Variants in RASSF5 observed in about 807,000 individuals in gnomAD.
The protein encoded by RASSF5 is Ras association domain family member 5, also known as ras association domain-containing protein 5.
A neutral mutation model predicts 40.5 loss-of-function variants in RASSF5; 25 were observed. The observed-to-expected ratio is 0.62, with a 90% CI of 0.45 to 0.86. The LOEUF (loss-of-function observed/expected upper bound fraction) is 0.86, where lower values mean the gene tolerates loss of function less well. Ranked by LOEUF, RASSF5 falls within the 40% of genes least tolerant of loss-of-function variation. RASSF5 has a pLI of 0.00. For missense variants in RASSF5, 521 were observed against 572.8 expected (o/e 0.91, Z 0.92); for synonymous variants, 246 against 252.4 (o/e 0.97, Z 0.24).
chr1:206,583,932 C>T (rs1311350585), intron 3 of RASSF5, among the ~76,000 whole-genome samples: 4 of 152,124 alleles, frequency 2.6e-5, no homozygotes, highest in Non-Finnish European at 5.9e-5. Context: ...CACAAATGCA[C>T]CTAGGTTTAA....
intron 2 of RASSF5, chr1:206,542,306 A>C (rs1553399470): frequency 6.6e-6 from 1 of 152,160 alleles, no homozygotes; most frequent in Non-Finnish European, 1.5e-5. Flanking sequence ...GCAATAATGA[A>C]TGAGCTCTCG....
At chr1:206,515,324 G>T (rs1018200423) in intron 1 of RASSF5, among the ~76,000 whole-genome samples, 1 of 152,186 alleles carries the variant, frequency 6.6e-6, no homozygotes, top group Admixed American at 6.5e-5. Flanking sequence ...CAAATCATGA[G>T]ATCTTTAGAA....
At chr1:206,577,431 A>C (rs541550846) in intron 2 of RASSF5, among the ~76,000 whole-genome samples, 14 of 152,020 alleles carry the variant, frequency 9.2e-5, no homozygotes, top group Non-Finnish European at 1.5e-4. Flanking sequence ...ACACTTTTGT[A>C]CCCATTATCT....
At chr1:206,574,340 T>G (rs1285256999) in intron 2 of RASSF5, among the ~76,000 whole-genome samples, 1 of 152,210 alleles carries the variant, frequency 6.6e-6, no homozygotes, top group Non-Finnish European at 1.5e-5. Flanking sequence ...TCAGGTCACC[T>G]GCAGACTCCC....
chr1:206,514,957 C>T lies in RASSF5; in HGVS notation c.457+6898C>T, dbSNP rs1335955370. The stretch of plus-strand genomic sequence containing the variant: ...CTCTGTCAGGATTGCAATTCTGTTT[C>T]GTCGGTAGAACTGATGTAATCAGGG... On this transcript the variant is annotated intron_variant, in intron 1 of 5. Coordinates refer to ENST00000579436, the MANE Select transcript of RASSF5 (RefSeq NM_182663.4). Among the ~76,000 whole-genome samples the T allele has an allele frequency of 2.6e-5, 4 of 152,184 alleles. No individual in the cohort carries two copies. The East Asian group carries it at 5.8e-4, about 22-fold the overall frequency.
At position 206,584,796 on chromosome 1, in the gene RASSF5, CA is replaced by C. The variant is rs782013525; in HGVS notation, c.988+113del. 23 of 1,146,028 alleles carry C rather than the reference CA, an allele frequency of 2.0e-5. No homozygotes were observed. The South Asian group carries it at 3.3e-4, about 16-fold the overall frequency. The allele number at this position is 1,146,028 out of a possible 1,614,324, so 71.0% of individuals were successfully genotyped here. A position where few individuals can be genotyped will look rare whatever the true frequency, so the allele number is the denominator to read the frequency against. On this transcript the variant is annotated intron_variant, in intron 4 of 5. Coordinates refer to ENST00000579436, the MANE Select transcript of RASSF5 (RefSeq NM_182663.4). This position sits in a 1 kb window ranked among gnomAD's most constrained non-coding sequence, Gnocchi z 4.9. Reference sequence around the variant, plus strand: ...GGAGCTGTGGGCTTCTCCTGAGCACCAGGGGTCCAGCTGCCCATGTGGTGTT... The same window carrying C: ...GGAGCTGTGGGCTTCTCCTGAGCACCGGGGTCCAGCTGCCCATGTGGTGTT...
chr1:206,565,558 G>A (rs898615211), intron 2 of RASSF5, among the ~76,000 whole-genome samples: 1 of 152,204 alleles, frequency 6.6e-6, no homozygotes, highest in Non-Finnish European at 1.5e-5. Flanking sequence ...TGTACTTGAA[G>A]GCCTTAGGGC....
At chr1:206,567,070 A>C (rs937845188) in intron 2 of RASSF5, among the ~76,000 whole-genome samples, 5 of 152,190 alleles carry the variant, frequency 3.3e-5, no homozygotes, top group African/African-American at 1.2e-4. Context: ...GAAATGAAAA[A>C]TCCCACTGAG....
chr1:206,582,938 C>T (rs569704102), intron 2 of RASSF5, among the ~76,000 whole-genome samples: 9 of 152,308 alleles, frequency 5.9e-5, no homozygotes, highest in South Asian at 2.1e-4. Flanking sequence ...CGGCTCTGCT[C>T]ATTCACCAGA....
chr1:206,578,239 T>C (rs1475909400), intron 2 of RASSF5, among the ~76,000 whole-genome samples: 1 of 148,554 alleles, frequency 6.7e-6, no homozygotes, highest in Non-Finnish European at 1.5e-5. Context: ...AAAAAGTGTG[T>C]GTGTGTGTGT....
chr1:206,523,249 A>T (rs1389826162), intron 1 of RASSF5, among the ~76,000 whole-genome samples: 1 of 149,424 alleles, frequency 6.7e-6, no homozygotes, highest in Non-Finnish European at 1.5e-5. Flanking sequence ...GGTTGTGGTG[A>T]GCAGAGATTG....
chr1:206,521,425 G>A (rs782251639), intron 1 of RASSF5, among the ~76,000 whole-genome samples: 2 of 152,186 alleles, frequency 1.3e-5, no homozygotes, highest in African/African-American at 4.8e-5. Context: ...GTTGTCCCAT[G>A]ATAGACTGAA....
At chr1:206,563,154 T>C (rs1572343768) in intron 2 of RASSF5, among the ~76,000 whole-genome samples, 1 of 152,158 alleles carries the variant, frequency 6.6e-6, no homozygotes, top group Non-Finnish European at 1.5e-5. Flanking sequence ...TGGGTGTTTC[T>C]TGCAACCACG....
intron 1 of RASSF5, among the ~76,000 whole-genome samples, chr1:206,523,730 T>TA (rs58619402): frequency 1.7e-4 from 16 of 93,638 alleles, no homozygotes; most frequent in Non-Finnish European, 1.9e-5. Flanking sequence ...TATTTATATA[T>TA]TATATATAAT....
intron 2 of RASSF5, among the ~76,000 whole-genome samples, chr1:206,573,037 GTGA>G (rs1430192323): frequency 2.0e-5 from 3 of 152,198 alleles, no homozygotes; most frequent in Non-Finnish European, 2.9e-5. Context: ...GATGATGATG[GTGA>G]TGATGATAAT....
intron 1 of RASSF5, among the ~76,000 whole-genome samples, chr1:206,524,860 TACAC>T (rs145571972): frequency 6.7e-6 from 1 of 150,270 alleles, no homozygotes; most frequent in African/African-American, 2.5e-5. Flanking sequence ...CATGCACACA[TACAC>T]ACACACACTC....
intron 1 of RASSF5, among the ~76,000 whole-genome samples, chr1:206,527,249 A>G (rs1553397344): frequency 6.6e-6 from 1 of 152,122 alleles, no homozygotes; most frequent in Non-Finnish European, 1.5e-5. Flanking sequence ...TTTCTGATGT[A>G]TGGCTGGTAA....
chr1:206,548,448 A>G (rs1319301971), intron 2 of RASSF5, among the ~76,000 whole-genome samples: 3 of 152,152 alleles, frequency 2.0e-5, no homozygotes, highest in African/African-American at 7.2e-5. Context: ...AAGGAACAAT[A>G]CGAGATGCTC....
intron 2 of RASSF5, among the ~76,000 whole-genome samples, chr1:206,577,190 A>C (rs1433820151): frequency 2.0e-5 from 3 of 152,162 alleles, no homozygotes; most frequent in Non-Finnish European, 4.4e-5. Context: ...GAATAGTGGC[A>C]ACAGACTGCG....
Sources: gnomAD v4.1 joint callset for allele counts (sites outside exome capture counted in the v4.1 genomes callset) on GRCh38, gnomAD v4.1.1 for gene constraint, Gnocchi (gnomAD v3.1) non-coding constraint, MANE v1.5 for transcripts, NCBI Gene and HGNC (gene_info 2026-07-23, HGNC 2026-07-21) for gene names.